The following EXOC6 variants were observed in gnomAD, a reference collection of about 807,000 sequenced individuals.
The protein encoded by EXOC6 is exocyst complex component 6.
EXOC6 carries 60 observed loss-of-function variants against 112.5 expected under a neutral mutation model. That is an observed-to-expected ratio of 0.53 (90% CI 0.43 to 0.66). The LOEUF (loss-of-function observed/expected upper bound fraction) is 0.66. EXOC6 is among the 30% of genes least tolerant of loss of function. The pLI, the probability that EXOC6 is intolerant of heterozygous loss-of-function variation, is 0.00. For synonymous variants in EXOC6, 295 were observed against 308.0 expected, an observed-to-expected ratio of 0.96 and a Z score of 0.44; for missense variants, 855 against 957.1, an observed-to-expected ratio of 0.89 and a Z score of 1.41.
intron 19 of EXOC6, among the ~76,000 whole-genome samples, chr10:93,001,096 AG>A (rs1316476494): frequency 3.9e-5 from 6 of 152,202 alleles, no homozygotes; most frequent in African/African-American, 1.4e-4. Flanking sequence ...GAAGAAAGGG[AG>A]GCAAGAAGAA....
chr10:93,055,991 A>C (rs1476852367), intron 20 of EXOC6, among the ~76,000 whole-genome samples: 2 of 152,200 alleles, frequency 1.3e-5, no homozygotes, highest in Non-Finnish European at 2.9e-5. Flanking sequence ...CTCCATTTGA[A>C]AGCAAAACCA....
chr10:92,849,645 G>T (rs546262374), intron 1 of EXOC6, among the ~76,000 whole-genome samples: 1 of 152,296 alleles, frequency 6.6e-6, no homozygotes, highest in South Asian at 2.1e-4. Context: ...AGAATAGAGC[G>T]CTGTACAGTT....
chr10:92,836,410 C>G (rs1846660200), intron 1 of EXOC6, among the ~76,000 whole-genome samples: 1 of 152,158 alleles, frequency 6.6e-6, no homozygotes, highest in Admixed American at 6.5e-5. Context: ...GATTTGGCAG[C>G]CACAGCACTC....
At chr10:93,053,783 A>G (rs1053973717) in intron 20 of EXOC6, among the ~76,000 whole-genome samples, 1 of 152,260 alleles carries the variant, frequency 6.6e-6, no homozygotes, top group African/African-American at 2.4e-5. Flanking sequence ...GACACACTTT[A>G]TGAGCTTGCC....
intron 1 of EXOC6, among the ~76,000 whole-genome samples, chr10:92,887,484 G>A (rs1178171619): frequency 7.1e-6 from 1 of 141,694 alleles, no homozygotes; most frequent in Non-Finnish European, 1.5e-5. Context: ...TGCAACCTCT[G>A]CCTCCCGGGT....
chr10:92,940,273 T>C (rs1053036738), intron 12 of EXOC6, among the ~76,000 whole-genome samples: 8 of 152,274 alleles, frequency 5.3e-5, no homozygotes, highest in Admixed American at 5.2e-4. Context: ...TGTGAATGTT[T>C]AATGGAAAGA....
chr10:93,035,478 A>G (rs1479071125), intron 20 of EXOC6, among the ~76,000 whole-genome samples: 4 of 152,232 alleles, frequency 2.6e-5, no homozygotes, highest in Admixed American at 2.6e-4. Context: ...ACACTCACAA[A>G]AAGTTACAAA....
chr10:92,884,934 G>A (rs905995917), intron 1 of EXOC6, among the ~76,000 whole-genome samples: 4 of 152,034 alleles, frequency 2.6e-5, no homozygotes, highest in Non-Finnish European at 5.9e-5. Flanking sequence ...ACAGAATATA[G>A]CATCTTTCCA....
chr10:92,859,529 C>G (rs1035476825), intron 1 of EXOC6, among the ~76,000 whole-genome samples: 5 of 152,148 alleles, frequency 3.3e-5, no homozygotes, highest in Non-Finnish European at 4.4e-5. Flanking sequence ...TAAATTTGGT[C>G]CTCTTTGCAG....
intron 18 of EXOC6, among the ~76,000 whole-genome samples, chr10:92,975,836 T>C (rs1589955855): frequency 1.6e-5 from 2 of 125,036 alleles, no homozygotes; most frequent in African/African-American, 3.1e-5. Flanking sequence ...GTCCGGGAGG[T>C]GAGGGGCGCC....
upstream of EXOC6, among the ~76,000 whole-genome samples, chr10:92,844,151 GA>G (rs60056645): frequency 5.7e-3 from 748 of 132,128 alleles, 6 homozygotes; most frequent in African/African-American, 0.02. Context: ...CTGTGTCTCA[GA>G]AAAAAAAAAA....
intron 1 of EXOC6, among the ~76,000 whole-genome samples, chr10:92,861,751 A>G (rs145218555): frequency 5.9e-5 from 9 of 152,214 alleles, no homozygotes; most frequent in Non-Finnish European, 1.2e-4. Flanking sequence ...CTTACCAAGT[A>G]TGTAGTATAT....
intron 17 of EXOC6, among the ~76,000 whole-genome samples, chr10:92,962,786 A>G (rs981031529): frequency 4.6e-5 from 7 of 152,214 alleles, no homozygotes; most frequent in African/African-American, 1.4e-4. Context: ...AAGAGCAGAT[A>G]ACTACAAACA....
At chr10:92,924,745 A>G (rs1851615717) in intron 8 of EXOC6, among the ~76,000 whole-genome samples, 1 of 152,188 alleles carries the variant, frequency 6.6e-6, no homozygotes, top group Admixed American at 6.5e-5. Context: ...TGAATTGTAT[A>G]GTAATGAAGT....
intron 20 of EXOC6, among the ~76,000 whole-genome samples, chr10:93,032,617 C>T (rs550456154): frequency 1.3e-5 from 2 of 152,300 alleles, no homozygotes; most frequent in African/African-American, 2.4e-5. Context: ...TTCATTTACT[C>T]GACAAATGTT....
rs1177929055 is a variant in EXOC6, at chr10:93,014,228, G to A, written c.2130G>A (p.Gln710=). 4 of 1,613,254 alleles carry A rather than the reference G, an allele frequency of 2.5e-6. No individual in the cohort carries two copies. Among genetic ancestry groups the A allele is most frequent in the Non-Finnish European group, 3.4e-6 (4 of 1,179,614 alleles). Residue 710 remains glutamine, a synonymous_variant, in exon 20 of 22, where the codon CAG becomes CAA. Transcript: ENST00000260762. The stretch of plus-strand genomic sequence containing the variant: ...GCTCTGAGCCTGTGCCAGGATTCCA[G>A]GGGGATACCCTGCAGCTAGCATTCA... ...FASSEPVPGF[Q]GDTLQLAFID...
At chr10:92,960,657 A>G (rs1159470511) in intron 17 of EXOC6, among the ~76,000 whole-genome samples, 8 of 150,708 alleles carry the variant, frequency 5.3e-5, no homozygotes, top group Non-Finnish European at 1.2e-4. Flanking sequence ...CATTACTAGC[A>G]CCGTAGAAGC....
intron 1 of EXOC6, among the ~76,000 whole-genome samples, chr10:92,892,496 T>C (rs548318882): frequency 1.3e-5 from 2 of 152,334 alleles, no homozygotes; most frequent in South Asian, 4.1e-4. Flanking sequence ...ACTGCCCACA[T>C]TGCTGACCTC....
intron 17 of EXOC6, among the ~76,000 whole-genome samples, chr10:92,968,179 C>A (rs1842143293): frequency 1.1e-5 from 1 of 92,428 alleles, no homozygotes; most frequent in African/African-American, 4.2e-5. Flanking sequence ...GTTAGTGTTT[C>A]ACCTTTTTTT....
Sources: allele counts gnomAD v4.1 joint callset (sites outside exome capture counted in the v4.1 genomes callset), GRCh38; gene constraint gnomAD v4.1.1; transcripts MANE v1.5; gene names NCBI Gene and HGNC (gene_info 2026-07-23, HGNC 2026-07-21).